Variants in GALNTL5 observed in about 807,000 individuals in gnomAD.
The protein encoded by GALNTL5 is polypeptide N-acetylgalactosaminyltransferase like 5.
In GALNTL5, 44 loss-of-function variants were observed where a neutral mutation model predicts 51.0. The ratio of observed to expected loss-of-function variants is 0.86; its 90% CI spans 0.68 to 1.11. The LOEUF is 1.11. Among genes scored for constraint, GALNTL5 ranks in the 50% least tolerant of loss-of-function variants. The pLI, the probability that GALNTL5 is intolerant of heterozygous loss-of-function variation, is 0.00. For synonymous variants in GALNTL5, 192 were observed against 182.8 expected (o/e 1.05, Z -0.41); for missense variants, 528 against 531.8 (o/e 0.99, Z 0.07).
chr7:152,007,566 A>C (rs967537395), intron 6 of GALNTL5, among the ~76,000 whole-genome samples: 5 of 151,638 alleles, frequency 3.3e-5, no homozygotes, highest in Non-Finnish European at 5.9e-5. Context: ...CTACAGGCGC[A>C]TGCCACCTTG....
chr7:151,971,996 T>C (rs1415718068), intron 3 of GALNTL5, among the ~76,000 whole-genome samples: 10 of 152,012 alleles, frequency 6.6e-5, no homozygotes, highest in Non-Finnish European at 8.8e-5. Flanking sequence ...AGTGTGAAAA[T>C]GGATTAATAC....
chr7:151,996,498 G>A (rs576160676), intron 5 of GALNTL5, among the ~76,000 whole-genome samples: 2 of 152,294 alleles, frequency 1.3e-5, no homozygotes, highest in African/African-American at 4.8e-5. Flanking sequence ...CCAGTGCTTT[G>A]GGAGGCTGAG....
Position 151,987,162 on chromosome 7 carries a change from A to G in GALNTL5, c.539A>G (p.Asp180Gly), listed in dbSNP as rs1018899832. 8 of 1,586,868 alleles carry G rather than the reference A, an allele frequency of 5.0e-6. No homozygotes were observed. In the African/African-American group the frequency reaches 1.1e-4, roughly 22 times the overall value. The stretch of plus-strand genomic sequence containing the variant: ...CATGTGTTGAATATTTTTCCAGATG[A>G]TTTGAAAGAAAAACTAGACTATCAC... ...ILVDDMSKVD[D>G]LKEKLDYHLE... Residue 180 changes from aspartate to glycine, a missense_variant, in exon 5 of 9, where the codon GAT becomes GGT. Physicochemically the swap from Asp to Gly is moderately conservative, Grantham distance 94 (BLOSUM62 -1). Transcript: ENST00000392800.
chr7:151,994,698 C>G (rs1030897565), intron 5 of GALNTL5, among the ~76,000 whole-genome samples: 1 of 152,068 alleles, frequency 6.6e-6, no homozygotes, highest in Non-Finnish European at 1.5e-5. Flanking sequence ...TCACCATAGT[C>G]TTTCAAACCA....
intron 7 of GALNTL5, among the ~76,000 whole-genome samples, chr7:152,013,125 T>C (rs1312234708): frequency 6.6e-6 from 1 of 152,136 alleles, no homozygotes; most frequent in Non-Finnish European, 1.5e-5. Flanking sequence ...TGTTCTTATT[T>C]ACAAGTGAGA....
intron 2 of GALNTL5, among the ~76,000 whole-genome samples, chr7:151,970,102 A>G (rs1586809923): frequency 7.2e-6 from 1 of 138,342 alleles, no homozygotes; most frequent in Non-Finnish European, 1.6e-5. Flanking sequence ...GAGCCACCGC[A>G]CCCGGCCCCA....
chr7:151,976,621 C>T (rs984146062), intron 3 of GALNTL5, among the ~76,000 whole-genome samples: 1 of 152,060 alleles, frequency 6.6e-6, no homozygotes, highest in Non-Finnish European at 1.5e-5. Flanking sequence ...TCTGCAAATT[C>T]TTAATGAGAT....
intron 5 of GALNTL5, among the ~76,000 whole-genome samples, chr7:151,994,218 T>G (rs185325122): frequency 6.6e-6 from 1 of 152,208 alleles, no homozygotes; most frequent in Non-Finnish European, 1.5e-5. Context: ...GATCCTGTTG[T>G]GTGGGCAGGT....
chr7:152,006,244 A>T (rs997537066), intron 6 of GALNTL5, among the ~76,000 whole-genome samples: 2 of 152,252 alleles, frequency 1.3e-5, no homozygotes, highest in East Asian at 3.8e-4. Flanking sequence ...AACCATGAGA[A>T]GGTCATGAAC....
intron 7 of GALNTL5, among the ~76,000 whole-genome samples, chr7:152,009,656 T>G (rs2081703405): frequency 6.6e-6 from 1 of 152,190 alleles, no homozygotes; most frequent in Admixed American, 6.5e-5. Flanking sequence ...TTTCTGCATC[T>G]GGTGTGAAAA....
chr7:152,016,618 T>C (rs1187074560), intron 8 of GALNTL5, among the ~76,000 whole-genome samples: 1 of 152,162 alleles, frequency 6.6e-6, no homozygotes, highest in Non-Finnish European at 1.5e-5. Context: ...CCAGGACACA[T>C]GAACAAGAAA....
intron 1 of GALNTL5, among the ~76,000 whole-genome samples, chr7:151,964,303 A>G (rs999420162): frequency 6.6e-5 from 10 of 152,154 alleles, no homozygotes; most frequent in African/African-American, 1.9e-4. Context: ...TGTGAGTTGC[A>G]GGGGGACACA....
intron 8 of GALNTL5, among the ~76,000 whole-genome samples, chr7:152,017,131 C>A (rs1360368849): frequency 6.6e-6 from 1 of 151,978 alleles, no homozygotes; most frequent in Non-Finnish European, 1.5e-5. Context: ...GAGAAATCAT[C>A]ATTAGGTGAT....
intron 5 of GALNTL5, 58 bp from the exon 6 acceptor site, chr7:152,002,656 G>A: frequency 6.3e-7 from 1 of 1,576,794 alleles, no homozygotes; most frequent in South Asian, 1.1e-5. Flanking sequence ...ACTTTGATTT[G>A]GATTGCCGTA....
At chr7:152,013,707 T>C (rs2081768546) in intron 7 of GALNTL5, among the ~76,000 whole-genome samples, 1 of 152,176 alleles carries the variant, frequency 6.6e-6, no homozygotes, top group Non-Finnish European at 1.5e-5. Context: ...CCAAACAACA[T>C]AAGACTTCAA....
At chr7:151,964,109 C>T (rs528790800) in intron 1 of GALNTL5, among the ~76,000 whole-genome samples, 181 of 152,220 alleles carry the variant, frequency 1.2e-3, no homozygotes, top group African/African-American at 4.2e-3. Context: ...CAGGTGGTTG[C>T]CTTCGCGCTG....
chr7:151,995,481 G>T (rs904789349), intron 5 of GALNTL5: 1 of 147,444 alleles, frequency 6.8e-6, no homozygotes, highest in Non-Finnish European at 1.5e-5. Context: ...GCTTCTGGAT[G>T]TGGGGTTCAT....
At chr7:152,008,775 T>C (rs1421955407) in intron 7 of GALNTL5, among the ~76,000 whole-genome samples, 2 of 152,154 alleles carry the variant, frequency 1.3e-5, no homozygotes, top group Non-Finnish European at 2.9e-5. Context: ...TTCATTCTCA[T>C]GTTCCCTTTG....
intron 8 of GALNTL5, 30 bp from the exon 9 acceptor site, chr7:152,019,616 C>T (rs769176001): frequency 8.8e-6 from 14 of 1,590,774 alleles, no homozygotes; most frequent in South Asian, 5.6e-5. Flanking sequence ...TTTGGTTGAA[C>T]GTAACGACTG....
Sources: gnomAD v4.1 joint callset for allele counts (sites outside exome capture counted in the v4.1 genomes callset) on GRCh38, gnomAD v4.1.1 for gene constraint, MANE v1.5 for transcripts, NCBI Gene and HGNC (gene_info 2026-07-23, HGNC 2026-07-21) for gene names.